Variants in ELOVL6 observed in about 807,000 individuals in gnomAD.
ELOVL6 encodes the protein very long chain fatty acid elongase 6.
Under a neutral mutation model 31.7 loss-of-function variants are expected in ELOVL6, and 8 were observed. The observed-to-expected ratio is 0.25, with a 90% CI of 0.15 to 0.45. The LOEUF (loss-of-function observed/expected upper bound fraction) is 0.45. Among genes scored for constraint, ELOVL6 ranks in the 20% least tolerant of loss-of-function variants. The pLI is 1.00. For synonymous variants in ELOVL6, 101 were observed against 117.7 expected, an observed-to-expected ratio of 0.86 and a Z score of 0.92; for missense variants, 126 against 326.4, an observed-to-expected ratio of 0.39 and a Z score of 4.73.
At chr4:110,185,126 G>A (rs554330932) in intron 1 of ELOVL6, among the ~76,000 whole-genome samples, 1 of 152,198 alleles carries the variant, frequency 6.6e-6, no homozygotes, top group Non-Finnish European at 1.5e-5. Context: ...AAAGGATTTA[G>A]TGATTACAAA....
Position 110,084,285 on chromosome 4 carries a change from T to C in ELOVL6, c.221+21212A>G, listed in dbSNP as rs184909509. On this transcript the variant is annotated intron_variant, in intron 2 of 3. Coordinates refer to ENST00000302274, the MANE Select transcript of ELOVL6 (RefSeq NM_024090.3). ...GCTTATATGTGATATATAACATATA[T>C]AACTTATATATGATATATAACATAT... Among the ~76,000 whole-genome samples the C allele has an allele frequency of 1.2e-3, 152 of 121,678 alleles. 24 individuals carry two copies. Among genetic ancestry groups the C allele is most frequent in the Admixed American group, 2.0e-3 (23 of 11,640 alleles). 79.8% of individuals were successfully genotyped at this position (121,678 alleles called of 152,430 possible).
chr4:110,052,331 G>A (rs1754857121), intron 3 of ELOVL6, among the ~76,000 whole-genome samples: 1 of 152,144 alleles, frequency 6.6e-6, no homozygotes, highest in African/African-American at 2.4e-5. Context: ...ATATCTTTGT[G>A]AGCTCCCTAA....
Position 110,081,847 on chromosome 4 carries a change from G to C in ELOVL6, c.222-22093C>G, listed in dbSNP as rs1278019672. 4.1e-5 allele frequency among the ~76,000 whole-genome samples: 6 copies of C among 148,088 alleles called. 1 individual carries two copies. Among genetic ancestry groups the C allele is most frequent in the Admixed American group, 2.0e-4 (3 of 14,804 alleles). On this transcript the variant is annotated intron_variant, in intron 2 of 3. Transcript: ENST00000302274. ...GAAAATTTTTGCAATCTACTCATCT[G>C]ACAAAGGGTTAATACCCAGAATCTA...
At chr4:110,084,319 T>TG (rs1756102199) in intron 2 of ELOVL6, among the ~76,000 whole-genome samples, 1 of 110,608 alleles carries the variant, frequency 9.0e-6, no homozygotes, top group African/African-American at 3.3e-5. Flanking sequence ...ATAACATATA[T>TG]AAATTTGATA....
chr4:110,179,631 C>T lies in ELOVL6; in HGVS notation c.89+18616G>A, dbSNP rs1759214222. On this transcript the variant is annotated intron_variant, in intron 1 of 3. Coordinates refer to ENST00000302274, the MANE Select transcript of ELOVL6 (RefSeq NM_024090.3). ...GCTAATATTAAAGACAACTAGCAAG[C>T]TATTGATGGTCTGGCCTAAGGTCAA... Among the ~76,000 whole-genome samples, 2 of 152,146 alleles carry T rather than the reference C, an allele frequency of 1.3e-5. 1 individual carries two copies. The highest frequency in any genetic ancestry group is 1.3e-4 in the Admixed American group (2 of 15,278).
At chr4:110,068,094 T>C (rs776484960) in intron 2 of ELOVL6, among the ~76,000 whole-genome samples, 2 of 152,088 alleles carry the variant, frequency 1.3e-5, no homozygotes, top group Non-Finnish European at 2.9e-5. Flanking sequence ...AAATTAAAAC[T>C]AAAATACATA....
chr4:110,114,336 A>AT lies in ELOVL6; in HGVS notation c.90-8709dup, dbSNP rs535256409. On this transcript the variant is annotated intron_variant, in intron 1 of 3. Coordinates refer to ENST00000302274, the MANE Select transcript of ELOVL6 (RefSeq NM_024090.3). Reference sequence around the variant, plus strand: ...GGCTATGTCAGTCAAAGCTGTAGGCATTTTTTTTTCTTTTTTTTAGATCTT... The same window carrying AT: ...GGCTATGTCAGTCAAAGCTGTAGGCATTTTTTTTTTCTTTTTTTTAGATCTT... Among the ~76,000 whole-genome samples, 127 of 151,128 alleles carry AT rather than the reference A, an allele frequency of 8.4e-4. 1 individual carries two copies. The highest frequency in any genetic ancestry group is 3.7e-3 in the East Asian group (19 of 5,144).
chr4:110,119,747 T>C (rs571514031), intron 1 of ELOVL6, among the ~76,000 whole-genome samples: 7 of 152,168 alleles, frequency 4.6e-5, no homozygotes, highest in African/African-American at 1.7e-4. Flanking sequence ...AAAATCTTAA[T>C]GAAAAAAAAT....
chr4:110,178,176 G>A (rs28549164), intron 1 of ELOVL6, among the ~76,000 whole-genome samples: 17,919 of 152,120 alleles, frequency 0.12, 1,218 homozygotes, highest in African/African-American at 0.18. Flanking sequence ...ACAACATGCA[G>A]AAATATCCAT....
chr4:110,100,196 G>A (rs374332323), intron 2 of ELOVL6, among the ~76,000 whole-genome samples: 3 of 152,168 alleles, frequency 2.0e-5, no homozygotes, highest in East Asian at 3.9e-4. Context: ...CTGAAAAAGG[G>A]AGCCTGGAGG....
chr4:110,090,362 A>C (rs1365163536), intron 2 of ELOVL6, among the ~76,000 whole-genome samples: 1 of 152,222 alleles, frequency 6.6e-6, no homozygotes, highest in Admixed American at 6.5e-5. Flanking sequence ...ATTAACACAG[A>C]AATAAAAGTA....
intron 1 of ELOVL6, among the ~76,000 whole-genome samples, chr4:110,114,172 A>G (rs1237733433): frequency 1.3e-5 from 2 of 152,234 alleles, no homozygotes; most frequent in Non-Finnish European, 2.9e-5. Context: ...AGAGTAGTTG[A>G]GTGACTCTCC....
At chr4:110,138,471 A>G (rs1757867378) in intron 1 of ELOVL6, among the ~76,000 whole-genome samples, 1 of 152,168 alleles carries the variant, frequency 6.6e-6, no homozygotes, top group Non-Finnish European at 1.5e-5. Context: ...ACACACTACG[A>G]TGTGTTTTGA....
intron 1 of ELOVL6, among the ~76,000 whole-genome samples, chr4:110,130,162 C>T (rs1436803763): frequency 5.9e-5 from 9 of 152,052 alleles, no homozygotes; most frequent in Non-Finnish European, 1.0e-4. Flanking sequence ...TCCCAAAGTG[C>T]TGAGATTATA....
chr4:110,164,038 A>G (rs1423487183), intron 1 of ELOVL6, among the ~76,000 whole-genome samples: 1 of 152,234 alleles, frequency 6.6e-6, no homozygotes, highest in Non-Finnish European at 1.5e-5. Context: ...GCAAAATAAT[A>G]CTAAAATATC....
intron 1 of ELOVL6, among the ~76,000 whole-genome samples, chr4:110,174,514 T>C (rs1320142738): frequency 1.3e-5 from 2 of 152,170 alleles, no homozygotes. Context: ...GCTTTTACTT[T>C]TGAACATACA....
In ELOVL6 at chr4:110,059,719, A is replaced by G. The variant is rs1560801043; in HGVS notation, c.257T>C (p.Val86Ala). 1 of 1,614,090 alleles carries G rather than the reference A, an allele frequency of 6.2e-7. No homozygotes were observed. ...FGALRTGAYM[V>A]YILMTKGLKQ... The stretch of plus-strand genomic sequence containing the variant: ...CAGGCCTTTGGTCATCAAAATGTAC[A>G]CCATATAAGCACCAGTTCGAAGAGC... Residue 86 changes from valine (V) to alanine (A), a missense_variant, in exon 3 of 4, where the codon GTG (valine) becomes GCG (alanine). Physicochemically the swap from Val to Ala is moderately conservative, Grantham distance 64. Coordinates refer to ENST00000302274, the MANE Select transcript of ELOVL6 (RefSeq NM_024090.3).
chr4:110,110,993 TAA>T (rs1757018020), intron 1 of ELOVL6, among the ~76,000 whole-genome samples: 1 of 152,186 alleles, frequency 6.6e-6, no homozygotes, highest in Admixed American at 6.5e-5. Flanking sequence ...TCTATTTTTT[TAA>T]AAAAGGTGTG....
At chr4:110,055,645 T>TG (rs1754960618) in intron 3 of ELOVL6, among the ~76,000 whole-genome samples, 1 of 152,000 alleles carries the variant, frequency 6.6e-6, no homozygotes, top group Non-Finnish European at 1.5e-5. Context: ...GAGGCTACTC[T>TG]GTGTGTGTGG....
Sources: allele counts gnomAD v4.1 joint callset (sites outside exome capture counted in the v4.1 genomes callset), GRCh38; gene constraint gnomAD v4.1.1; transcripts MANE v1.5; gene names NCBI Gene and HGNC (gene_info 2026-07-23, HGNC 2026-07-21).